ALG13: variants seen among roughly 807,000 people sequenced by gnomAD.
ALG13 encodes the protein UDP-N-acetylglucosamine transferase subunit ALG13.
A neutral mutation model predicts 87.8 loss-of-function variants in ALG13; 11 were observed. That is an observed-to-expected ratio of 0.13 (90% CI 0.08 to 0.21). The LOEUF (loss-of-function observed/expected upper bound fraction) is 0.21. Among genes scored for constraint, ALG13 ranks in the 10% least tolerant of loss-of-function variants. The pLI is 1.00. For missense variants in ALG13, 756 were observed against 866.1 expected (o/e 0.87, Z 1.60); for synonymous variants, 320 against 306.3 (o/e 1.04, Z -0.47).
chrX:111,689,755 C>T (rs965843918), intron 3 of ALG13: 2 of 734,039 alleles, frequency 2.7e-6, no homozygotes, highest in Non-Finnish European at 3.2e-6. Flanking sequence ...GATTCCCAGT[C>T]CCCTGCTCTT....
At chrX:111,683,452 C>G in intron 2 of ALG13, among the ~76,000 whole-genome samples, 1 of 107,865 alleles carries the variant, frequency 9.3e-6, no homozygotes, top group Admixed American at 9.9e-5. Context: ...GTCTCAGCCT[C>G]CCCAGTAGCT....
In ALG13 at chrX:111,724,009, T is replaced by C. The variant is rs776473137; in HGVS notation, c.1601+111T>C. ...CTAGTAAGAGAACCAGAATTGTATC[T>C]ACTGTTGGCCTAGGATGACTTATCT... On this transcript the variant is annotated intron_variant, in intron 14 of 26. Transcript: ENST00000394780. The C allele has an allele frequency of 1.1e-4, 54 of 478,820 alleles. No homozygotes were observed. In the African/African-American group the frequency reaches 1.2e-3, roughly 10 times the overall value. The allele number at this position is 478,820 out of a possible 1,213,427, so 39.5% of individuals were successfully genotyped here. A position where few individuals can be genotyped will look rare whatever the true frequency, so the allele number is the denominator to read the frequency against.
intron 23 of ALG13, among the ~76,000 whole-genome samples, chrX:111,738,278 ATTC>A (rs1167535169): frequency 8.9e-6 from 1 of 112,386 alleles, no homozygotes; most frequent in Non-Finnish European, 1.9e-5. Context: ...CAGGTTGAGT[ATTC>A]TTTATTCAAA....
At position 111,757,786 on chromosome X, in the gene ALG13, G is replaced by A. The variant is rs758295116; in HGVS notation, c.3148+24G>A. 8 of 1,186,165 alleles carry A rather than the reference G, an allele frequency of 6.7e-6. No homozygotes were observed. In the East Asian group the frequency reaches 9.0e-5, roughly 13 times the overall value. ...TGGTGAGTGTGTAATGAGATTGCCAGCAAGAAAGACAGTTGGATTTTATTG... is the reference window on the plus strand; with the variant it reads ...TGGTGAGTGTGTAATGAGATTGCCAACAAGAAAGACAGTTGGATTTTATTG... On this transcript the variant is annotated intron_variant, in intron 26 of 26. Coordinates refer to ENST00000394780, the MANE Select transcript of ALG13 (RefSeq NM_001099922.3).
At chrX:111,744,965 A>C (rs772299827) in intron 24 of ALG13, 61 bp downstream of exon 24, 5 of 986,858 alleles carry the variant, frequency 5.1e-6, no homozygotes, top group Admixed American at 2.4e-5. Flanking sequence ...GTTAGAGCAT[A>C]TCTCTCTTTG....
At chrX:111,689,114 G>A (rs756714763) in intron 3 of ALG13, 1 of 639,578 alleles carries the variant, frequency 1.6e-6, no homozygotes, top group East Asian at 1.6e-4. Context: ...GCTTACTAGT[G>A]GTAGAAGGTG....
intron 3 of ALG13, among the ~76,000 whole-genome samples, chrX:111,700,837 C>T (rs1455185510): frequency 3.8e-5 from 4 of 106,416 alleles, no homozygotes; most frequent in African/African-American, 6.9e-5. Context: ...GTGATCTGCC[C>T]GCCTTGGCCT....
At chrX:111,681,605 C>G (rs1933248276) in intron 1 of ALG13, 1 of 953,259 alleles carries the variant, frequency 1.0e-6, no homozygotes, top group Non-Finnish European at 1.3e-6. Flanking sequence ...TCCTCCGCCC[C>G]TCCTTCCAAC....
In ALG13 at chrX:111,682,149, T is replaced by C; in HGVS notation, c.99T>C (p.Gly33=). ...PDSLQKIESL[G]YNRLILQIGR... is the part of the protein sequence containing the mutation. ...TCTTTCAGAAAATCGAGAGCCTTGG[T>C]TACAACCGACTTATCCTGCAAATTG... Residue 33 remains glycine (G), a synonymous_variant, in exon 2 of 27, where the codon GGT becomes GGC. Coordinates refer to ENST00000394780, the MANE Select transcript of ALG13 (RefSeq NM_001099922.3). 2 of 1,186,855 alleles carry C rather than the reference T, an allele frequency of 1.7e-6. No individual in the cohort carries two copies. The highest frequency in any genetic ancestry group is 2.3e-6 in the Non-Finnish European group (2 of 884,987).
intron 19 of ALG13, among the ~76,000 whole-genome samples, chrX:111,729,240 G>A (rs1942409647): frequency 9.0e-6 from 1 of 111,406 alleles, no homozygotes; most frequent in Non-Finnish European, 1.9e-5. Context: ...ACCATGGAAT[G>A]TGTTTATTTT....
intron 21 of ALG13, among the ~76,000 whole-genome samples, chrX:111,731,935 T>C (rs1450577309): frequency 1.8e-5 from 2 of 112,017 alleles, no homozygotes; most frequent in Admixed American, 9.5e-5. Context: ...AGTTGAACTC[T>C]AGCTTTGAGA....
At chrX:111,707,871 A>G (rs1296917292) in intron 3 of ALG13, among the ~76,000 whole-genome samples, 156 bp from the exon 4 acceptor site, 1 of 111,259 alleles carries the variant, frequency 9.0e-6, no homozygotes, top group Non-Finnish European at 1.9e-5. Context: ...GCTTATGCAT[A>G]CTTTTCTCAA....
At chrX:111,687,634 T>C (rs955608613) in intron 3 of ALG13, among the ~76,000 whole-genome samples, 1 of 112,530 alleles carries the variant, frequency 8.9e-6, no homozygotes, top group Non-Finnish European at 1.9e-5. Flanking sequence ...TTTCATGAAA[T>C]ATCATTTCTG....
chrX:111,706,385 G>A (rs1448292056), intron 3 of ALG13, among the ~76,000 whole-genome samples: 2 of 112,409 alleles, frequency 1.8e-5, no homozygotes, highest in African/African-American at 6.5e-5. Flanking sequence ...ACGAAAGATG[G>A]CAATCTCTCT....
At chrX:111,726,712 A>T (rs773609031) in intron 15 of ALG13, 97 bp from the exon 16 acceptor site, 49 of 966,560 alleles carry the variant, frequency 5.1e-5, no homozygotes, top group Non-Finnish European at 6.7e-5. Context: ...TCCTAGGGGA[A>T]GCATTGGAAA....
chrX:111,684,636 T>G (rs916702192), intron 2 of ALG13, among the ~76,000 whole-genome samples: 2 of 112,150 alleles, frequency 1.8e-5, no homozygotes, highest in African/African-American at 6.5e-5. Flanking sequence ...GTTTTCAACT[T>G]ATGATGGGGT....
intron 3 of ALG13, among the ~76,000 whole-genome samples, chrX:111,691,659 A>T (rs989717766): frequency 8.9e-6 from 1 of 112,267 alleles, no homozygotes; most frequent in African/African-American, 3.2e-5. Flanking sequence ...TCCATCCTTT[A>T]TGGGGACAGT....
chrX:111,683,884 C>T (rs1261834823), intron 2 of ALG13, among the ~76,000 whole-genome samples: 1 of 111,611 alleles, frequency 9.0e-6, no homozygotes, highest in African/African-American at 3.3e-5. Context: ...GCCTGTCTGT[C>T]TCTATTGTAG....
Position 111,754,680 on chromosome X carries a change from A to G in ALG13, c.2973+1850A>G, listed in dbSNP as rs6642937. On this transcript the variant is annotated intron_variant, in intron 25 of 26. Transcript: ENST00000394780. The stretch of plus-strand genomic sequence containing the variant: ...GAGTGAATTCCCATTCACAATTGCT[A>G]CAAAGAGAATAAAATACCTAGGAAT... Among the ~76,000 whole-genome samples, 10 of 111,811 alleles carry G rather than the reference A, an allele frequency of 8.9e-5. No individual in the cohort carries two copies. In the East Asian group the frequency reaches 1.7e-3, roughly 19 times the overall value.
Sources: allele counts gnomAD v4.1 joint callset (sites outside exome capture counted in the v4.1 genomes callset), GRCh38; gene constraint gnomAD v4.1.1; transcripts MANE v1.5; gene names NCBI Gene and HGNC (gene_info 2026-07-23, HGNC 2026-07-21).